The following ARL15 variants were observed in gnomAD, a reference collection of about 807,000 sequenced individuals.
ARL15 encodes ARF like GTPase 15.
Under a neutral mutation model 25.2 loss-of-function variants are expected in ARL15, and 19 were observed. The ratio of observed to expected loss-of-function variants is 0.75; its 90% CI spans 0.53 to 1.10. ARL15 has a LOEUF of 1.10. ARL15 is among the 50% of genes least tolerant of loss of function. The pLI is 0.00. For synonymous variants in ARL15, 94 were observed against 86.8 expected, an observed-to-expected ratio of 1.08 and a Z score of -0.46; for missense variants, 220 against 246.0, an observed-to-expected ratio of 0.89 and a Z score of 0.71.
chr5:54,112,253 C>T (rs1752764340), intron 4 of ARL15, among the ~76,000 whole-genome samples: 1 of 152,026 alleles, frequency 6.6e-6, no homozygotes, highest in African/African-American at 2.4e-5. Context: ...TTGGATTATT[C>T]TCATTTTAGA....
At chr5:54,236,341 T>G (rs554644771) in intron 1 of ARL15, among the ~76,000 whole-genome samples, 3 of 152,104 alleles carry the variant, frequency 2.0e-5, no homozygotes, top group African/African-American at 7.2e-5. Context: ...TACAGGTACT[T>G]TAAGTGAATA....
intron 4 of ARL15, among the ~76,000 whole-genome samples, chr5:54,088,662 T>C (rs1174131284): frequency 6.6e-6 from 1 of 152,122 alleles, no homozygotes. Flanking sequence ...CATAAACTCC[T>C]AGCAGACAGA....
At chr5:54,080,725 T>A (rs747613690) in intron 4 of ARL15, among the ~76,000 whole-genome samples, 6 of 152,182 alleles carry the variant, frequency 3.9e-5, no homozygotes, top group Non-Finnish European at 7.3e-5. Context: ...TGTCTATTCA[T>A]CACAGCAAAT....
chr5:54,109,251 T>A (rs185742367), intron 4 of ARL15, among the ~76,000 whole-genome samples: 14 of 152,136 alleles, frequency 9.2e-5, no homozygotes, highest in Admixed American at 8.5e-4. Context: ...TGTTTCACAG[T>A]CTTCATATTT....
chr5:53,895,233 C>T (rs947872922), intron 4 of ARL15, among the ~76,000 whole-genome samples: 7 of 152,240 alleles, frequency 4.6e-5, no homozygotes, highest in Non-Finnish European at 8.8e-5. Flanking sequence ...TGCTAGACTT[C>T]CTCTCCCCTG....
chr5:54,309,215 T>C (rs974729093), intron 1 of ARL15, among the ~76,000 whole-genome samples: 1 of 152,240 alleles, frequency 6.6e-6, no homozygotes, highest in South Asian at 2.1e-4. Flanking sequence ...GAATTCAGAA[T>C]TTTAGATCCA....
intron 1 of ARL15, among the ~76,000 whole-genome samples, chr5:54,204,591 T>A (rs991549801): frequency 1.3e-4 from 20 of 152,206 alleles, no homozygotes; most frequent in Non-Finnish European, 2.8e-4. Context: ...TGCCCATACT[T>A]CTTTCTAGAA....
chr5:53,910,025 T>C (rs1745401714), intron 4 of ARL15, among the ~76,000 whole-genome samples: 1 of 152,198 alleles, frequency 6.6e-6, no homozygotes, highest in South Asian at 2.1e-4. Flanking sequence ...TTTAAGTCAA[T>C]AATAATTTAT....
rs539982164 is a variant in ARL15, at chr5:54,004,018, C to G, written c.462+109184G>C. On this transcript the variant is annotated intron_variant, in intron 4 of 4. Transcript: ENST00000504924. ...TCTGATAGTCTCTCACTAACTCCAC[C>G]TTAAAATCTCACAAAAGCCTTACTT... Among the ~76,000 whole-genome samples the G allele has an allele frequency of 9.9e-5, 15 of 152,268 alleles. No individual in the cohort carries two copies. The South Asian group carries it at 3.1e-3, about 32-fold the overall frequency.
At chr5:53,971,232 T>C (rs2112182585) in intron 4 of ARL15, among the ~76,000 whole-genome samples, 1 of 152,192 alleles carries the variant, frequency 6.6e-6, no homozygotes, top group East Asian at 1.9e-4. Flanking sequence ...CCCAGAACAA[T>C]ACTGGGAGAT....
chr5:54,213,782 C>T (rs1317142576), intron 1 of ARL15, among the ~76,000 whole-genome samples: 1 of 152,148 alleles, frequency 6.6e-6, no homozygotes, highest in Non-Finnish European at 1.5e-5. Context: ...AAAGCTCTAA[C>T]ACTCCAAGAA....
intron 1 of ARL15, among the ~76,000 whole-genome samples, chr5:54,255,237 G>C (rs1313507383): frequency 6.6e-6 from 1 of 151,590 alleles, no homozygotes; most frequent in Admixed American, 6.6e-5. Context: ...TTTACTGTTT[G>C]TTTTAATGGC....
At chr5:53,974,061 T>C (rs182392279) in intron 4 of ARL15, among the ~76,000 whole-genome samples, 1 of 152,224 alleles carries the variant, frequency 6.6e-6, no homozygotes, top group East Asian at 1.9e-4. Context: ...ATAAATAACA[T>C]TGCATACAAG....
intron 1 of ARL15, among the ~76,000 whole-genome samples, chr5:54,269,754 G>A (rs1056478887): frequency 3.9e-5 from 6 of 151,978 alleles, no homozygotes; most frequent in African/African-American, 9.7e-5. Flanking sequence ...CAAGCGATTC[G>A]CCTGCCTCAG....
intron 4 of ARL15, among the ~76,000 whole-genome samples, chr5:53,892,917 A>C (rs753380091): frequency 2.0e-5 from 3 of 152,052 alleles, no homozygotes; most frequent in Non-Finnish European, 4.4e-5. Context: ...TACTGGTTTT[A>C]AACTCTCTAG....
intron 4 of ARL15, among the ~76,000 whole-genome samples, chr5:53,992,280 T>C (rs1748528375): frequency 2.0e-5 from 3 of 151,564 alleles, no homozygotes; most frequent in Non-Finnish European, 2.9e-5. Context: ...TTGGGTGCCC[T>C]GGTATACAGT....
At chr5:53,954,649 C>T (rs922473160) in intron 4 of ARL15, among the ~76,000 whole-genome samples, 2 of 152,108 alleles carry the variant, frequency 1.3e-5, no homozygotes, top group African/African-American at 4.8e-5. Flanking sequence ...TATTGAGAAT[C>T]CACACAGTGT....
chr5:53,902,758 T>C (rs1453718089), intron 4 of ARL15, among the ~76,000 whole-genome samples: 1 of 152,086 alleles, frequency 6.6e-6, no homozygotes, highest in Non-Finnish European at 1.5e-5. Context: ...TGCAGAGATA[T>C]TCAAGGGATG....
At chr5:54,028,238 G>T (rs1173361771) in intron 4 of ARL15, among the ~76,000 whole-genome samples, 1 of 151,850 alleles carries the variant, frequency 6.6e-6, no homozygotes, top group East Asian at 1.9e-4. Flanking sequence ...TTCTGTTTTG[G>T]GGTAGCAATG....
Sources: allele counts gnomAD v4.1 joint callset (sites outside exome capture counted in the v4.1 genomes callset), GRCh38; gene constraint gnomAD v4.1.1; transcripts MANE v1.5; gene names NCBI Gene and HGNC (gene_info 2026-07-23, HGNC 2026-07-21).